LINGO2: variants seen among roughly 807,000 people sequenced by gnomAD.
LINGO2 encodes the protein leucine rich repeat and Ig domain containing 2.
A neutral mutation model predicts 30.6 loss-of-function variants in LINGO2; 14 were observed. The ratio of observed to expected loss-of-function variants is 0.46; its 90% CI spans 0.30 to 0.72. LINGO2 has a LOEUF of 0.72. LINGO2 is among the 30% of genes least tolerant of loss of function. LINGO2 has a pLI of 0.07. For synonymous variants in LINGO2, 317 were observed against 288.5 expected (o/e 1.10, Z -1.00); for missense variants, 729 against 751.7 (o/e 0.97, Z 0.35).
chr9:27,947,951 A>G (rs901631278), downstream of LINGO2: 1 of 152,212 alleles, frequency 6.6e-6, no homozygotes, highest in African/African-American at 2.4e-5. Context: ...AATCATTTTC[A>G]TTATTAACAC....
chr9:28,437,304 C>A (rs1823986619), intron 2 of LINGO2, among the ~76,000 whole-genome samples: 1 of 152,094 alleles, frequency 6.6e-6, no homozygotes, highest in African/African-American at 2.4e-5. Flanking sequence ...ACTTTGGACC[C>A]TAGAACTTAC....
At chr9:28,243,347 C>A (rs939812288) in intron 4 of LINGO2, among the ~76,000 whole-genome samples, 1 of 151,736 alleles carries the variant, frequency 6.6e-6, no homozygotes, top group African/African-American at 2.4e-5. Context: ...GTAGTCCCAG[C>A]TACTCAGGAG....
the LINGO2 span, among the ~76,000 whole-genome samples, chr9:28,977,714 G>A: frequency 6.6e-6 from 1 of 152,040 alleles, no homozygotes; most frequent in African/African-American, 2.4e-5. Context: ...CCCCGTAGAT[G>A]GACATTACAG....
intron 5 of LINGO2, among the ~76,000 whole-genome samples, chr9:27,974,424 G>T (rs767173636): frequency 1.6e-4 from 24 of 151,540 alleles, no homozygotes; most frequent in Non-Finnish European, 3.2e-4. Flanking sequence ...TAGTTTTGAA[G>T]GACGGTAGCA....
chr9:28,577,365 T>A (rs1824040359), intron 1 of LINGO2, among the ~76,000 whole-genome samples: 1 of 152,026 alleles, frequency 6.6e-6, no homozygotes, highest in Non-Finnish European at 1.5e-5. Context: ...GACCCAAGAC[T>A]CAAGACCCGA....
intron 1 of LINGO2, among the ~76,000 whole-genome samples, chr9:28,556,962 A>G (rs1191202627): frequency 3.9e-5 from 6 of 152,084 alleles, no homozygotes; most frequent in South Asian, 2.1e-4. Context: ...AGCTGAAACT[A>G]GATCCCTTCC....
At chr9:28,064,464 T>C (rs1468246496) in intron 4 of LINGO2, among the ~76,000 whole-genome samples, 1 of 152,114 alleles carries the variant, frequency 6.6e-6, no homozygotes, top group East Asian at 1.9e-4. Context: ...AGTAACCTAA[T>C]AAGCTCCAAC....
chr9:28,212,385 C>A (rs1486781312), intron 4 of LINGO2, among the ~76,000 whole-genome samples: 1 of 151,294 alleles, frequency 6.6e-6, no homozygotes, highest in Non-Finnish European at 1.5e-5. Flanking sequence ...GATTTGAACC[C>A]GTTTGACATA....
chr9:28,971,675 G>A, the LINGO2 span, among the ~76,000 whole-genome samples: 13,675 of 152,284 alleles, frequency 0.09, 694 homozygotes, highest in South Asian at 0.16. Flanking sequence ...TCTAGTCCTT[G>A]ACACTCAGAT....
At chr9:29,162,014 G>T in the LINGO2 span, among the ~76,000 whole-genome samples, 2 of 151,876 alleles carry the variant, frequency 1.3e-5, no homozygotes, top group Non-Finnish European at 2.9e-5. Flanking sequence ...CTGCCTCCTG[G>T]ATTCAAGTGA....
chr9:28,677,291 G>A, the LINGO2 span, among the ~76,000 whole-genome samples: 3 of 152,056 alleles, frequency 2.0e-5, no homozygotes, highest in East Asian at 1.9e-4. Context: ...ACAATTGTGC[G>A]GACATGTTCC....
the LINGO2 span, among the ~76,000 whole-genome samples, chr9:29,009,398 A>C: frequency 0.17 from 25,524 of 151,960 alleles, 2,216 homozygotes; most frequent in East Asian, 0.28. Flanking sequence ...TTACAGACAG[A>C]CAGCCAAATC....
At chr9:28,993,477 A>C in the LINGO2 span, among the ~76,000 whole-genome samples, 1 of 152,296 alleles carries the variant, frequency 6.6e-6, no homozygotes, top group South Asian at 2.1e-4. Flanking sequence ...AACTATTCCA[A>C]TCAATAGAAA....
intron 1 of LINGO2, among the ~76,000 whole-genome samples, chr9:28,651,571 C>T (rs1217494878): frequency 6.6e-6 from 1 of 152,088 alleles, no homozygotes; most frequent in Non-Finnish European, 1.5e-5. Context: ...TCAGGTTTCA[C>T]CCCACAGTCC....
chr9:28,915,748 C>G, the LINGO2 span, among the ~76,000 whole-genome samples: 2 of 152,090 alleles, frequency 1.3e-5, no homozygotes, highest in African/African-American at 4.8e-5. Context: ...CTAAGGTATA[C>G]TAGAGACCAG....
intron 4 of LINGO2, among the ~76,000 whole-genome samples, chr9:28,098,161 T>A (rs113021971): frequency 6.6e-6 from 1 of 151,904 alleles, no homozygotes; most frequent in Non-Finnish European, 1.5e-5. Flanking sequence ...AAAAATTAGC[T>A]GGGTGTGGTG....
downstream of LINGO2, among the ~76,000 whole-genome samples, chr9:27,946,284 T>G (rs1823361455): frequency 1.3e-5 from 2 of 152,146 alleles, no homozygotes; most frequent in South Asian, 4.1e-4. Context: ...GATAGACTGG[T>G]CAACAGGACT....
intron 4 of LINGO2, among the ~76,000 whole-genome samples, chr9:28,055,745 C>T (rs907761113): frequency 6.6e-6 from 1 of 152,150 alleles, no homozygotes; most frequent in Non-Finnish European, 1.5e-5. Context: ...AAAGACAAGT[C>T]TCTCTTGGAA....
chr9:29,099,592 T>C, the LINGO2 span, among the ~76,000 whole-genome samples: 2 of 152,120 alleles, frequency 1.3e-5, no homozygotes, highest in African/African-American at 4.8e-5. Context: ...TAGATGTATC[T>C]CGAAAGAAGA....
Sources: gnomAD v4.1 joint callset for allele counts (sites outside exome capture counted in the v4.1 genomes callset) on GRCh38, gnomAD v4.1.1 for gene constraint, MANE v1.5 for transcripts, NCBI Gene and HGNC (gene_info 2026-07-23, HGNC 2026-07-21) for gene names.